Variants in ASCC3 observed in about 807,000 individuals in gnomAD.
ASCC3 encodes the protein ASC-1 complex subunit P200.
ASCC3 carries 158 observed loss-of-function variants against 256.3 expected under a neutral mutation model. The observed-to-expected ratio is 0.62, with a 90% confidence interval of 0.54 to 0.70. ASCC3 has a LOEUF of 0.70. Ranked by LOEUF, ASCC3 falls within the 30% of genes least tolerant of loss-of-function variation. The pLI, the probability that ASCC3 is intolerant of heterozygous loss-of-function variation, is 0.00. For missense variants in ASCC3, 2,259 were observed against 2,626.0 expected, an observed-to-expected ratio of 0.86 and a Z score of 3.05; for synonymous variants, 948 against 883.4, an observed-to-expected ratio of 1.07 and a Z score of -1.30.
intron 8 of ASCC3, among the ~76,000 whole-genome samples, chr6:100,777,326 C>G (rs944018468): frequency 1.3e-5 from 2 of 152,054 alleles, no homozygotes; most frequent in Non-Finnish European, 2.9e-5. Context: ...TAAAAAAACT[C>G]TGATCTTTCA....
At chr6:100,765,278 C>CA (rs1781599592) in intron 10 of ASCC3, among the ~76,000 whole-genome samples, 1 of 152,122 alleles carries the variant, frequency 6.6e-6, no homozygotes, top group African/African-American at 2.4e-5. Flanking sequence ...CCTCCTCTTA[C>CA]AAAGGCATTC....
intron 1 of ASCC3, among the ~76,000 whole-genome samples, chr6:100,878,598 A>T (rs983830052): frequency 6.6e-6 from 1 of 152,238 alleles, no homozygotes; most frequent in African/African-American, 2.4e-5. Flanking sequence ...ATTAGGCAGT[A>T]TGTATTATAA....
At chr6:100,536,562 G>T (rs1430838037) in intron 37 of ASCC3, among the ~76,000 whole-genome samples, 1 of 152,110 alleles carries the variant, frequency 6.6e-6, no homozygotes, top group African/African-American at 2.4e-5. Context: ...GCTCATTGCA[G>T]CCTTGACCTC....
At chr6:100,833,286 C>G (rs1336356898) in intron 4 of ASCC3, among the ~76,000 whole-genome samples, 1 of 151,960 alleles carries the variant, frequency 6.6e-6, no homozygotes, top group Admixed American at 6.6e-5. Flanking sequence ...TCTGTGGTTC[C>G]CAAGGCTACA....
intron 10 of ASCC3, among the ~76,000 whole-genome samples, chr6:100,730,986 A>G (rs1319932093): frequency 2.0e-5 from 3 of 152,208 alleles, no homozygotes; most frequent in Admixed American, 6.5e-5. Flanking sequence ...CTCACAGCAT[A>G]TTGTTTTTTG....
intron 37 of ASCC3, among the ~76,000 whole-genome samples, chr6:100,525,156 CAAAAAAA>C (rs57882047): frequency 4.0e-4 from 18 of 44,952 alleles, no homozygotes; most frequent in South Asian, 3.1e-3. Flanking sequence ...GACCCTGTCT[CAAAAAAA>C]AAAAAAAAAA....
intron 8 of ASCC3, among the ~76,000 whole-genome samples, chr6:100,797,494 T>G (rs1443583757): frequency 6.9e-6 from 1 of 145,826 alleles, no homozygotes; most frequent in Non-Finnish European, 1.5e-5. Context: ...AAAAAAAAAC[T>G]TAAAATTAAA....
intron 14 of ASCC3, among the ~76,000 whole-genome samples, chr6:100,677,092 TA>T (rs1206218395): frequency 6.6e-6 from 1 of 152,148 alleles, no homozygotes; most frequent in East Asian, 1.9e-4. Flanking sequence ...ATGATGATAA[TA>T]GATCCCTTGA....
intron 25 of ASCC3, among the ~76,000 whole-genome samples, chr6:100,633,347 G>A (rs240142): frequency 0.98 from 148,772 of 152,116 alleles, 72,793 homozygotes; most frequent in African/African-American, 1. Flanking sequence ...GCAGTATCAC[G>A]GTGCTTTTGT....
At chr6:100,583,869 T>A (rs914556901) in intron 36 of ASCC3, among the ~76,000 whole-genome samples, 33 of 152,344 alleles carry the variant, frequency 2.2e-4, no homozygotes, top group Middle Eastern at 3.4e-3. Context: ...AGGAGCAGGT[T>A]GTTCAGTTTC....
chr6:100,533,095 TTTTTTTTGTTTTG>T (rs1774995306), intron 37 of ASCC3, among the ~76,000 whole-genome samples: 1 of 151,864 alleles, frequency 6.6e-6, no homozygotes, highest in African/African-American at 2.4e-5. Flanking sequence ...CATTAGCTGT[TTTTTTTTGTTTTG>T]TTTTTTTGTT....
At chr6:100,699,628 G>C (rs896619435) in intron 13 of ASCC3, among the ~76,000 whole-genome samples, 1 of 152,156 alleles carries the variant, frequency 6.6e-6, no homozygotes, top group Non-Finnish European at 1.5e-5. Context: ...GGTGGGTACA[G>C]AAGAAGACAG....
intron 25 of ASCC3, among the ~76,000 whole-genome samples, chr6:100,635,869 A>C (rs2114877344): frequency 6.6e-6 from 1 of 152,250 alleles, no homozygotes; most frequent in Non-Finnish European, 1.5e-5. Context: ...TGTATAATCA[A>C]ACTATATTAA....
At chr6:100,676,924 G>T (rs77269000) in intron 14 of ASCC3, among the ~76,000 whole-genome samples, 1,763 of 152,246 alleles carry the variant, frequency 0.012, 13 homozygotes, top group Non-Finnish European at 0.017. Context: ...TAGGGGTAAG[G>T]CATCACTGTG....
intron 36 of ASCC3, among the ~76,000 whole-genome samples, chr6:100,545,984 C>CA (rs1297027681): frequency 1.3e-5 from 2 of 152,098 alleles, no homozygotes; most frequent in African/African-American, 4.8e-5. Context: ...AGAGGTACAA[C>CA]TATCTTTATT....
chr6:100,581,246 G>A (rs1357323934), intron 36 of ASCC3, among the ~76,000 whole-genome samples: 1 of 152,134 alleles, frequency 6.6e-6, no homozygotes, highest in Non-Finnish European at 1.5e-5. Context: ...AGCACCTGTT[G>A]TTTCCTGACT....
At chr6:100,589,103 G>T (rs977272211) in intron 36 of ASCC3, among the ~76,000 whole-genome samples, 5 of 152,026 alleles carry the variant, frequency 3.3e-5, no homozygotes, top group African/African-American at 7.2e-5. Flanking sequence ...GGCAAAAAAA[G>T]GAAAAATGAA....
intron 14 of ASCC3, among the ~76,000 whole-genome samples, chr6:100,666,724 G>A (rs1017253657): frequency 6.6e-6 from 1 of 152,102 alleles, no homozygotes; most frequent in African/African-American, 2.4e-5. Flanking sequence ...TTATAATACA[G>A]CTGTACAATT....
intron 8 of ASCC3, among the ~76,000 whole-genome samples, chr6:100,772,370 C>CT (rs1226619190): frequency 2.6e-5 from 4 of 152,170 alleles, no homozygotes; most frequent in African/African-American, 9.7e-5. Context: ...CTCATAGCAG[C>CT]TTTACCTGTA....
Sources: allele counts gnomAD v4.1 joint callset (sites outside exome capture counted in the v4.1 genomes callset), GRCh38; gene constraint gnomAD v4.1.1; transcripts MANE v1.5; gene names NCBI Gene and HGNC (gene_info 2026-07-23, HGNC 2026-07-21).